Variants in QKI observed in about 807,000 individuals in gnomAD.
QKI encodes QKI, KH domain containing RNA binding.
Under a neutral mutation model 39.0 loss-of-function variants are expected in QKI, and 10 were observed. The observed-to-expected ratio is 0.26, with a 90% CI of 0.16 to 0.43. The LOEUF (loss-of-function observed/expected upper bound fraction) is 0.43. QKI is among the 20% of genes least tolerant of loss of function. The pLI, the probability that QKI is intolerant of heterozygous loss-of-function variation, is 1.00. For synonymous variants in QKI, 204 were observed against 155.4 expected, an observed-to-expected ratio of 1.31 and a Z score of -2.33; for missense variants, 218 against 428.0, an observed-to-expected ratio of 0.51 and a Z score of 4.33.
At chr6:163,497,751 T>G (rs1400602450) in intron 3 of QKI, among the ~76,000 whole-genome samples, 1 of 151,744 alleles carries the variant, frequency 6.6e-6, no homozygotes, top group East Asian at 1.9e-4. Context: ...TAAGTTTTGA[T>G]TTGCCTAGGA....
At chr6:163,488,739 A>G (rs920469113) in intron 3 of QKI, among the ~76,000 whole-genome samples, 3 of 152,170 alleles carry the variant, frequency 2.0e-5, no homozygotes, top group African/African-American at 4.8e-5. Context: ...TTGTGCTAGT[A>G]TATAGATCCA....
At chr6:163,481,737 T>C (rs1462677052) in intron 3 of QKI, among the ~76,000 whole-genome samples, 1 of 152,194 alleles carries the variant, frequency 6.6e-6, no homozygotes, top group Non-Finnish European at 1.5e-5. Context: ...AGTGCATAAA[T>C]ACCCAGTGGA....
chr6:163,568,651 TGAA>T, intron 7 of QKI: 1 of 976,274 alleles, frequency 1.0e-6, no homozygotes, highest in Non-Finnish European at 1.2e-6. Context: ...AAAAATATTT[TGAA>T]GAGAAGTTTA....
intron 3 of QKI, among the ~76,000 whole-genome samples, chr6:163,489,424 C>CTGTGTGTGTG (rs66826538): frequency 5.3e-4 from 79 of 149,034 alleles, no homozygotes; most frequent in African/African-American, 1.7e-3. Context: ...AGAAGTTATG[C>CTGTGTGTGTG]TGTGTGTGTG....
intron 7 of QKI, chr6:163,567,709 TATCAA>T: frequency 3.0e-6 from 3 of 984,248 alleles, no homozygotes; most frequent in Non-Finnish European, 3.6e-6. Context: ...AAGATAGGAA[TATCAA>T]GCATGGTAGT....
intron 2 of QKI, among the ~76,000 whole-genome samples, chr6:163,466,934 G>A (rs1362182336): frequency 6.6e-6 from 1 of 151,578 alleles, no homozygotes; most frequent in Non-Finnish European, 1.5e-5. Flanking sequence ...AAATGAAAAG[G>A]CAACCTACAG....
At chr6:163,542,690 G>T (rs1781612772) in intron 4 of QKI, among the ~76,000 whole-genome samples, 1 of 151,958 alleles carries the variant, frequency 6.6e-6, no homozygotes, top group East Asian at 1.9e-4. Context: ...TTTCTTTATG[G>T]TGAGTAAAAT....
intron 1 of QKI, among the ~76,000 whole-genome samples, chr6:163,454,196 G>A (rs1790768920): frequency 6.6e-6 from 1 of 152,080 alleles, no homozygotes; most frequent in South Asian, 2.1e-4. Flanking sequence ...TGGGCAGTAT[G>A]TTCCAAAGGA....
intron 3 of QKI, among the ~76,000 whole-genome samples, chr6:163,511,138 CAGTT>C (rs1210817555): frequency 3.3e-5 from 5 of 151,994 alleles, no homozygotes; most frequent in Non-Finnish European, 7.4e-5. Flanking sequence ...TTTTTGTAAT[CAGTT>C]GGTCAAGAGA....
At chr6:163,433,681 C>T (rs977236758) in intron 1 of QKI, among the ~76,000 whole-genome samples, 4 of 151,906 alleles carry the variant, frequency 2.6e-5, no homozygotes, top group African/African-American at 7.3e-5. Context: ...GTGGGAGAAT[C>T]GCTTGAACCT....
intron 3 of QKI, among the ~76,000 whole-genome samples, chr6:163,524,903 C>G (rs574304933): frequency 2.0e-5 from 3 of 152,238 alleles, no homozygotes; most frequent in Admixed American, 2.0e-4. Context: ...ACATTTAAAA[C>G]TCATTGTAGC....
intron 4 of QKI, among the ~76,000 whole-genome samples, chr6:163,537,256 A>G (rs933093005): frequency 2.0e-5 from 3 of 152,188 alleles, no homozygotes; most frequent in African/African-American, 7.2e-5. Context: ...GTGAAGATTA[A>G]ATGAGATGAT....
intron 2 of QKI, among the ~76,000 whole-genome samples, chr6:163,477,574 A>G (rs1792718470): frequency 6.6e-6 from 1 of 152,216 alleles, no homozygotes. Context: ...ACTTTATCTG[A>G]ATATAAAGAG....
intron 1 of QKI, among the ~76,000 whole-genome samples, chr6:163,451,550 A>G (rs781608059): frequency 2.6e-5 from 4 of 152,302 alleles, no homozygotes; most frequent in African/African-American, 4.8e-5. Flanking sequence ...TATTAAAACA[A>G]ATTTATAATA....
intron 3 of QKI, among the ~76,000 whole-genome samples, chr6:163,521,433 A>C (rs570192286): frequency 6.6e-6 from 1 of 152,316 alleles, no homozygotes; most frequent in South Asian, 2.1e-4. Context: ...ATTCGCTCTT[A>C]TTACTCTAAT....
rs562227972 is a variant in QKI at position 163,427,684 on chromosome 6, T to C, written c.142+12349T>C. ...GTGCGTGTGTGTGCCTGCATGTGTGTGCGCGCGTGTGTGTGTGATGGCAAT... is the reference window on the plus strand; with the variant it reads ...GTGCGTGTGTGTGCCTGCATGTGTGCGCGCGCGTGTGTGTGTGATGGCAAT... On this transcript the variant is annotated intron_variant, in intron 1 of 7. Transcript: ENST00000361752. 1.2e-4 allele frequency among the ~76,000 whole-genome samples: 18 copies of C among 152,156 alleles called. No homozygotes were observed. In the East Asian group the frequency reaches 2.3e-3, roughly 20 times the overall value.
chr6:163,504,734 C>T (rs1705584349), intron 3 of QKI, among the ~76,000 whole-genome samples: 3 of 152,108 alleles, frequency 2.0e-5, no homozygotes. Flanking sequence ...TTTATCAGTT[C>T]CAGGAGCCTT....
At chr6:163,500,231 A>G (rs1048582878) in intron 3 of QKI, among the ~76,000 whole-genome samples, 3 of 152,180 alleles carry the variant, frequency 2.0e-5, no homozygotes, top group African/African-American at 7.2e-5. Flanking sequence ...TTTTAAGCAG[A>G]GGGATGATAT....
intron 3 of QKI, among the ~76,000 whole-genome samples, chr6:163,493,488 ATTG>A (rs1434631637): frequency 6.6e-6 from 1 of 152,156 alleles, no homozygotes; most frequent in African/African-American, 2.4e-5. Flanking sequence ...ACTGAGGTAT[ATTG>A]TTTGTTGAAG....
Sources: allele counts gnomAD v4.1 joint callset (sites outside exome capture counted in the v4.1 genomes callset), GRCh38; gene constraint gnomAD v4.1.1; transcripts MANE v1.5; gene names NCBI Gene and HGNC (gene_info 2026-07-23, HGNC 2026-07-21).